Variants in PCDHA3 observed in about 807,000 individuals in gnomAD.
The protein encoded by PCDHA3 is protocadherin alpha-3.
Under a neutral mutation model 62.2 loss-of-function variants are expected in PCDHA3, and 41 were observed. The observed-to-expected ratio is 0.66, with a 90% CI of 0.51 to 0.86. The LOEUF (loss-of-function observed/expected upper bound fraction) is 0.86, where lower values mean the gene tolerates loss of function less well. Ranked by LOEUF, PCDHA3 falls within the 40% of genes least tolerant of loss-of-function variation. The pLI, the probability that PCDHA3 is intolerant of heterozygous loss-of-function variation, is 0.00. For synonymous variants in PCDHA3, 640 were observed against 555.4 expected (o/e 1.15, Z -2.14); for missense variants, 1,304 against 1,241.2 (o/e 1.05, Z -0.76).
At chr5:140,808,724 G>C (rs114390057) in intron 1 of PCDHA3, 3 of 1,612,100 alleles carry the variant, frequency 1.9e-6, no homozygotes, top group Middle Eastern at 2.1e-4. Context: ...GGTGCATGCG[G>C]AGAGCGGCAA....
intron 1 of PCDHA3, among the ~76,000 whole-genome samples, chr5:140,871,887 G>T (rs1294459270): frequency 6.6e-6 from 1 of 152,170 alleles, no homozygotes; most frequent in Non-Finnish European, 1.5e-5. Flanking sequence ...GCTCCTCTTT[G>T]TCTTTTAGCA....
intron 1 of PCDHA3, chr5:140,823,596 G>T (rs2150127281): frequency 6.2e-7 from 1 of 1,614,020 alleles, no homozygotes; most frequent in Non-Finnish European, 8.5e-7. Flanking sequence ...CTTGGCTTTC[G>T]TATGAGCTGC....
intron 1 of PCDHA3, among the ~76,000 whole-genome samples, chr5:140,945,574 G>C (rs2153670366): frequency 6.6e-6 from 1 of 151,978 alleles, no homozygotes; most frequent in Middle Eastern, 3.4e-3. Context: ...ATACTACCTG[G>C]CTTCAAAATA....
chr5:140,998,690 A>G (rs1310258939), intron 3 of PCDHA3, among the ~76,000 whole-genome samples: 1 of 151,696 alleles, frequency 6.6e-6, no homozygotes, highest in Non-Finnish European at 1.5e-5. Flanking sequence ...TCAGCCTCCC[A>G]AGTAGCTGGG....
intron 1 of PCDHA3, among the ~76,000 whole-genome samples, chr5:140,890,620 A>G (rs1554184472): frequency 6.6e-6 from 1 of 152,196 alleles, no homozygotes; most frequent in East Asian, 1.9e-4. Flanking sequence ...TTACCCTAGA[A>G]AATTAAGCAT....
intron 1 of PCDHA3, among the ~76,000 whole-genome samples, chr5:140,900,094 G>A (rs546671178): frequency 3.6e-4 from 55 of 152,150 alleles, no homozygotes; most frequent in East Asian, 2.3e-3. Context: ...ACAAGCATGC[G>A]CCACCATACC....
intron 1 of PCDHA3, among the ~76,000 whole-genome samples, chr5:140,918,821 GC>G (rs35355209): frequency 0.76 from 114,950 of 152,064 alleles, 44,573 homozygotes; most frequent in African/African-American, 0.94. Flanking sequence ...CCAAAAAGTG[GC>G]CCCCTCCCCA....
At chr5:140,876,955 G>C in intron 1 of PCDHA3, 1 of 1,613,390 alleles carries the variant, frequency 6.2e-7, no homozygotes, top group Admixed American at 1.7e-5. Flanking sequence ...CTACTCGCTG[G>C]TGGAGCGGCG....
intron 1 of PCDHA3, chr5:140,809,446 G>A (rs782146620): frequency 1.2e-6 from 2 of 1,614,258 alleles, no homozygotes; most frequent in Admixed American, 3.3e-5. Context: ...ACTCGCAGCA[G>A]AGGAGGCCGA....
chr5:140,992,377 A>T (rs1258714441), intron 3 of PCDHA3, among the ~76,000 whole-genome samples: 1 of 152,150 alleles, frequency 6.6e-6, no homozygotes, highest in African/African-American at 2.4e-5. Flanking sequence ...CCATTACATT[A>T]TTGTGTTCTG....
intron 1 of PCDHA3, among the ~76,000 whole-genome samples, chr5:140,947,608 A>G (rs1381677530): frequency 3.3e-5 from 5 of 151,684 alleles, no homozygotes; most frequent in Non-Finnish European, 7.4e-5. Flanking sequence ...AAGATTTGGT[A>G]TCTTAACAAT....
chr5:140,937,588 G>T (rs1414065719), intron 1 of PCDHA3, among the ~76,000 whole-genome samples: 1 of 151,364 alleles, frequency 6.6e-6, no homozygotes, highest in African/African-American at 2.4e-5. Context: ...CTGCACTCTA[G>T]CCTGGGCAAC....
chr5:140,807,023 A>C (rs1763831749), intron 1 of PCDHA3: 2 of 827,224 alleles, frequency 2.4e-6, no homozygotes, highest in South Asian at 3.6e-5. Flanking sequence ...ACATGAGAGA[A>C]GGAGGAAGAA....
At chr5:140,825,516 C>T (rs1278586078) in intron 1 of PCDHA3, 1 of 151,016 alleles carries the variant, frequency 6.6e-6, no homozygotes, top group Non-Finnish European at 1.5e-5. Flanking sequence ...TCTTGGCCTC[C>T]CAGGTTCAAG....
At chr5:140,803,680 G>C (rs7707310) in intron 1 of PCDHA3, 89 bp downstream of exon 1, 1 of 1,584,468 alleles carries the variant, frequency 6.3e-7, no homozygotes, top group South Asian at 1.2e-5. Flanking sequence ...TAATAGTTAA[G>C]TATGAATTAT....
intron 1 of PCDHA3, among the ~76,000 whole-genome samples, chr5:140,821,284 T>C (rs2150109169): frequency 6.6e-6 from 1 of 152,282 alleles, no homozygotes; most frequent in African/African-American, 2.4e-5. Context: ...TGGAAATATA[T>C]AAACTCCTCC....
chr5:141,010,001 A>G lies in PCDHA3; in HGVS notation c.*64A>G. The G allele has an allele frequency of 6.4e-7, 1 of 1,574,588 alleles. No homozygotes were observed. The highest frequency in any genetic ancestry group is 8.6e-7 in the Non-Finnish European group (1 of 1,164,348). On this transcript the variant is annotated 3_prime_UTR_variant, in exon 4 of 4. Transcript: ENST00000522353. ...TAATAATGGCAAATCTCTCCCATGT[A>G]GCAATTCCCTGCTCCTTTTTCCTAT...
chr5:140,802,027 T>C lies in PCDHA3; in HGVS notation c.830T>C (p.Ile277Thr). The change falls in exon 1 of 4, where the codon ATC (isoleucine) becomes ACC (threonine). Residue 277 changes from isoleucine (I) to threonine (T), a missense_variant. By Grantham distance (89) the Ile-to-Thr change is moderately conservative. Transcript: ENST00000522353. Reference sequence around the variant, plus strand: ...TTGGATGAAGGAGTAAATAAGGATATCGCGTATTCTTTCAATACGGACATG... The same window carrying C: ...TTGGATGAAGGAGTAAATAAGGATACCGCGTATTCTTTCAATACGGACATG... ...TDLDEGVNKD[I>T]AYSFNTDMSA... The C allele has an allele frequency of 6.2e-7, 1 of 1,614,204 alleles. No homozygotes were observed. Among genetic ancestry groups the C allele is most frequent in the Non-Finnish European group, 8.5e-7 (1 of 1,180,044 alleles).
chr5:140,878,567 G>T (rs562054144), intron 1 of PCDHA3, among the ~76,000 whole-genome samples: 1 of 152,268 alleles, frequency 6.6e-6, no homozygotes, highest in Non-Finnish European at 1.5e-5. Flanking sequence ...ACTTATCATA[G>T]TATACCACTG....
Sources: allele counts gnomAD v4.1 joint callset (sites outside exome capture counted in the v4.1 genomes callset), GRCh38; gene constraint gnomAD v4.1.1; transcripts MANE v1.5; gene names NCBI Gene and HGNC (gene_info 2026-07-23, HGNC 2026-07-21).